MACROD2: variants seen among roughly 807,000 people sequenced by gnomAD.
MACROD2 encodes the protein mono-ADP ribosylhydrolase 2, also known as ADP-ribose glycohydrolase MACROD2.
MACROD2 carries 36 observed loss-of-function variants against 70.4 expected under a neutral mutation model. That is an observed-to-expected ratio of 0.51 (90% CI 0.39 to 0.68). The LOEUF (loss-of-function observed/expected upper bound fraction) is 0.68. Among genes scored for constraint, MACROD2 ranks in the 30% least tolerant of loss-of-function variants. The probability of loss-of-function intolerance (pLI) is 0.00; values close to 1 mark genes in which losing one functional copy is unlikely to be tolerated. For synonymous variants in MACROD2, 172 were observed against 178.8 expected, an observed-to-expected ratio of 0.96 and a Z score of 0.30; for missense variants, 496 against 538.4, an observed-to-expected ratio of 0.92 and a Z score of 0.78.
intron 5 of MACROD2, among the ~76,000 whole-genome samples, chr20:14,823,839 A>G (rs1171071184): frequency 6.6e-6 from 1 of 152,062 alleles, no homozygotes; most frequent in African/African-American, 2.4e-5. Context: ...ACTTTGGGAT[A>G]GGAAATAGCA....
chr20:14,146,508 A>T (rs1390669195), intron 3 of MACROD2, among the ~76,000 whole-genome samples: 4 of 152,130 alleles, frequency 2.6e-5, no homozygotes, highest in African/African-American at 9.7e-5. Flanking sequence ...GGTAGAATTC[A>T]GCAGTTAATT....
chr20:14,120,214 A>AG (rs910351518), intron 3 of MACROD2, among the ~76,000 whole-genome samples: 1 of 2,132 alleles, frequency 4.7e-4, no homozygotes, highest in African/African-American at 1.9e-3. Context: ...ACTCCGTCTC[A>AG]AAAAAAAAAA....
At chr20:14,766,713 A>G (rs531369337) in intron 5 of MACROD2, among the ~76,000 whole-genome samples, 1 of 152,282 alleles carries the variant, frequency 6.6e-6, no homozygotes, top group South Asian at 2.1e-4. Context: ...CATGTAGGAT[A>G]GATTAAATTA....
chr20:14,225,979 G>T (rs1207024371), intron 3 of MACROD2, among the ~76,000 whole-genome samples: 1 of 152,164 alleles, frequency 6.6e-6, no homozygotes, highest in Non-Finnish European at 1.5e-5. Context: ...GATTTTCTTT[G>T]TGTTCCTAGT....
At chr20:15,927,893 T>G (rs1214476375) in intron 10 of MACROD2, among the ~76,000 whole-genome samples, 1 of 152,150 alleles carries the variant, frequency 6.6e-6, no homozygotes, top group Non-Finnish European at 1.5e-5. Context: ...AAATAGGTGT[T>G]TGCATTGGAG....
intron 6 of MACROD2, among the ~76,000 whole-genome samples, chr20:15,374,717 C>A (rs1296098837): frequency 6.6e-6 from 1 of 152,194 alleles, no homozygotes; most frequent in African/African-American, 2.4e-5. Flanking sequence ...TTCCCACTCT[C>A]CCGTTACACT....
intron 3 of MACROD2, among the ~76,000 whole-genome samples, chr20:14,162,832 G>T: frequency 6.6e-6 from 1 of 151,912 alleles, no homozygotes; most frequent in East Asian, 1.9e-4. Context: ...CTTTGAACCT[G>T]TCTATATTTT....
At chr20:15,469,024 A>T (rs991207632) in intron 7 of MACROD2, among the ~76,000 whole-genome samples, 1 of 152,206 alleles carries the variant, frequency 6.6e-6, no homozygotes. Flanking sequence ...GATCACTAGA[A>T]TATAGAAGAT....
intron 8 of MACROD2, among the ~76,000 whole-genome samples, chr20:15,707,997 T>C (rs759916660): frequency 1.1e-3 from 162 of 151,782 alleles, no homozygotes; most frequent in Admixed American, 2.5e-3. Context: ...GTCACCAAGT[T>C]CTGAGGGAAA....
At chr20:15,992,714 A>G (rs768372819) in intron 15 of MACROD2, among the ~76,000 whole-genome samples, 4 of 152,208 alleles carry the variant, frequency 2.6e-5, no homozygotes, top group Non-Finnish European at 5.9e-5. Context: ...TTAACTTTGT[A>G]TCATGCCTGT....
At chr20:14,272,481 G>A (rs1007315128) in intron 3 of MACROD2, among the ~76,000 whole-genome samples, 4 of 151,766 alleles carry the variant, frequency 2.6e-5, no homozygotes, top group Admixed American at 6.6e-5. Context: ...CCCTAAAAGA[G>A]CTCCTGAAGG....
At chr20:15,431,345 A>G in intron 6 of MACROD2, 60 bp from the exon 7 acceptor site, 2 of 1,446,526 alleles carry the variant, frequency 1.4e-6, no homozygotes, top group East Asian at 2.3e-5. Context: ...GTTGAGAAAG[A>G]TGATGTTGCG....
intron 3 of MACROD2, among the ~76,000 whole-genome samples, chr20:14,420,160 A>G (rs2083858804): frequency 6.6e-6 from 1 of 150,864 alleles, no homozygotes; most frequent in Admixed American, 6.6e-5. Context: ...ATATATATAT[A>G]TGTTTAGAGT....
chr20:14,311,484 T>A (rs1281240720), intron 3 of MACROD2, among the ~76,000 whole-genome samples: 1 of 152,080 alleles, frequency 6.6e-6, no homozygotes, highest in East Asian at 1.9e-4. Context: ...TTTGAACATA[T>A]CCTGTGGTTA....
intron 2 of MACROD2, among the ~76,000 whole-genome samples, chr20:14,080,764 A>G (rs1466403256): frequency 6.6e-6 from 1 of 151,942 alleles, no homozygotes; most frequent in East Asian, 1.9e-4. Context: ...CAATTATTCT[A>G]GTTTCCTCTG....
In MACROD2 at chr20:15,973,314, CAGAGGTTGTAAAACT is replaced by C; in HGVS notation, c.985+5688_985+5702del. ...GAGGAAAGAAAAGAAGCATCAGTGG[CAGAGGTTGTAAAACT>C]AGATTATAGCTAGAAGAAGGAAGAG... On this transcript the variant is annotated intron_variant, in intron 13 of 17. Transcript: ENST00000684519. Among the ~76,000 whole-genome samples the C allele has an allele frequency of 1.3e-5, 2 of 152,006 alleles. 1 individual carries two copies. Among genetic ancestry groups the C allele is most frequent in the Non-Finnish European group, 2.9e-5 (2 of 67,996 alleles).
At chr20:14,182,238 G>T (rs778921538) in intron 3 of MACROD2, among the ~76,000 whole-genome samples, 6 of 152,142 alleles carry the variant, frequency 3.9e-5, no homozygotes, top group Non-Finnish European at 8.8e-5. Context: ...AATGACTAAG[G>T]ATGAAGAGCA....
chr20:15,559,717 T>C (rs1186058714), intron 8 of MACROD2, among the ~76,000 whole-genome samples: 1 of 152,230 alleles, frequency 6.6e-6, no homozygotes, highest in Non-Finnish European at 1.5e-5. Flanking sequence ...CAGTCACTCT[T>C]CTTGGGCTCA....
chr20:15,322,411 A>C (rs1254607058), intron 6 of MACROD2, among the ~76,000 whole-genome samples: 1 of 143,854 alleles, frequency 7.0e-6, no homozygotes, highest in Non-Finnish European at 1.6e-5. Flanking sequence ...AAATAATAAA[A>C]AATCATTTGT....
Sources: gnomAD v4.1 joint callset for allele counts (sites outside exome capture counted in the v4.1 genomes callset) on GRCh38, gnomAD v4.1.1 for gene constraint, MANE v1.5 for transcripts, NCBI Gene and HGNC (gene_info 2026-07-23, HGNC 2026-07-21) for gene names.